CIMAP3: variants seen among roughly 807,000 people sequenced by gnomAD.
CIMAP3 encodes ciliary microtubule associated protein 3.
chr1:111,334,986 G>T, the CIMAP3 span, among the ~76,000 whole-genome samples: 1 of 151,870 alleles, frequency 6.6e-6, no homozygotes, highest in Admixed American at 6.6e-5. Flanking sequence ...AAATTAGCTG[G>T]GCGTGGTGGT....
chr1:111,351,238 GA>G, the CIMAP3 span: 1 of 1,525,766 alleles, frequency 6.6e-7, no homozygotes, highest in Non-Finnish European at 8.9e-7. Flanking sequence ...TATTGATCTA[GA>G]AAACGTTCTT....
At chr1:111,342,971 G>C in the CIMAP3 span, among the ~76,000 whole-genome samples, 2 of 152,084 alleles carry the variant, frequency 1.3e-5, no homozygotes, top group Admixed American at 1.3e-4. Flanking sequence ...TGTATATCTG[G>C]TTTTGGTTTT....
At chr1:111,325,222 G>GAAAT in the CIMAP3 span, among the ~76,000 whole-genome samples, 2,564 of 152,286 alleles carry the variant, frequency 0.017, 77 homozygotes, top group African/African-American at 0.057. Context: ...ATTTGTCCTT[G>GAAAT]TGTTAGCTCT....
the CIMAP3 span, among the ~76,000 whole-genome samples, chr1:111,331,132 C>G: frequency 6.6e-6 from 1 of 152,170 alleles, no homozygotes; most frequent in African/African-American, 2.4e-5. Context: ...TTGCTGCTTT[C>G]AAAATTCTTT....
chr1:111,346,531 A>C, the CIMAP3 span: 2 of 1,520,102 alleles, frequency 1.3e-6, no homozygotes, highest in South Asian at 1.2e-5. Flanking sequence ...GGACGCCCCA[A>C]CTTGCCGCGC....
chr1:111,330,554 A>G, the CIMAP3 span, among the ~76,000 whole-genome samples: 1 of 152,140 alleles, frequency 6.6e-6, no homozygotes, highest in East Asian at 1.9e-4. Context: ...GCAGCTTCCT[A>G]TGTTTCTGCA....
the CIMAP3 span, chr1:111,352,304 T>G: frequency 6.5e-6 from 1 of 152,762 alleles, no homozygotes; most frequent in Non-Finnish European, 1.5e-5. Context: ...TTCTTCGTAA[T>G]TACCAGAAAG....
the CIMAP3 span, among the ~76,000 whole-genome samples, chr1:111,334,115 T>A: frequency 1.3e-5 from 2 of 152,336 alleles, no homozygotes; most frequent in Admixed American, 1.3e-4. Context: ...ACAAAGTACC[T>A]TGAAAATATG....
the CIMAP3 span, among the ~76,000 whole-genome samples, chr1:111,332,658 G>A: frequency 2.6e-5 from 4 of 151,202 alleles, no homozygotes; most frequent in African/African-American, 9.7e-5. Flanking sequence ...GGTATGCACA[G>A]GGCTTTTCTG....
chr1:111,347,048 A>C, the CIMAP3 span: 6 of 1,610,288 alleles, frequency 3.7e-6, no homozygotes, highest in Non-Finnish European at 5.1e-6. Flanking sequence ...TATTTTTCAG[A>C]TGTGAGTATT....
At chr1:111,334,689 A>G in the CIMAP3 span, among the ~76,000 whole-genome samples, 33 of 152,380 alleles carry the variant, frequency 2.2e-4, no homozygotes, top group African/African-American at 7.7e-4. Flanking sequence ...AATTTTAAAA[A>G]GAGATTTAAA....
the CIMAP3 span, chr1:111,349,902 A>C: frequency 1.9e-6 from 1 of 513,740 alleles, no homozygotes; most frequent in Non-Finnish European, 3.5e-6. Flanking sequence ...CTGGATGTCA[A>C]GATTGTCAAG....
At chr1:111,335,859 G>C in the CIMAP3 span, among the ~76,000 whole-genome samples, 1 of 152,356 alleles carries the variant, frequency 6.6e-6, no homozygotes, top group Admixed American at 6.5e-5. Flanking sequence ...GGTTCTCCCA[G>C]CACGCAGCTG....
At chr1:111,338,016 C>G in the CIMAP3 span, among the ~76,000 whole-genome samples, 21 of 149,532 alleles carry the variant, frequency 1.4e-4, no homozygotes, top group Admixed American at 6.6e-4. Context: ...ACAGTGCAAT[C>G]AAACTAGAAC....
the CIMAP3 span, among the ~76,000 whole-genome samples, chr1:111,331,650 C>T: frequency 6.6e-6 from 1 of 151,774 alleles, no homozygotes; most frequent in African/African-American, 2.4e-5. Flanking sequence ...CACTAGGATT[C>T]CTTAATATTA....
the CIMAP3 span, among the ~76,000 whole-genome samples, chr1:111,339,482 A>C: frequency 6.6e-6 from 1 of 150,982 alleles, no homozygotes; most frequent in Non-Finnish European, 1.5e-5. Flanking sequence ...AAATCTCCTT[A>C]AGCTGATAAG....
chr1:111,338,067 G>A, the CIMAP3 span, among the ~76,000 whole-genome samples: 4,448 of 149,090 alleles, frequency 0.03, 271 homozygotes, highest in African/African-American at 0.11. Flanking sequence ...CAACTACATG[G>A]AAACTGAACA....
At chr1:111,327,761 G>T in the CIMAP3 span, among the ~76,000 whole-genome samples, 3 of 151,478 alleles carry the variant, frequency 2.0e-5, no homozygotes, top group African/African-American at 2.4e-5. Context: ...TTCTCTATTA[G>T]TCTAGCTAGT....
chr1:111,333,111 G>C, the CIMAP3 span, among the ~76,000 whole-genome samples: 6 of 152,344 alleles, frequency 3.9e-5, no homozygotes, highest in East Asian at 1.2e-3. Context: ...AGGCTTGAGA[G>C]TCTCTCCTGT....
Sources: allele counts gnomAD v4.1 joint callset (sites outside exome capture counted in the v4.1 genomes callset), GRCh38; gene constraint gnomAD v4.1.1; transcripts MANE v1.5; gene names NCBI Gene and HGNC (gene_info 2026-07-23, HGNC 2026-07-21).